ZBTB40: variants seen among roughly 807,000 people sequenced by gnomAD.
ZBTB40 encodes zinc finger and BTB domain containing 40.
In ZBTB40, 60 loss-of-function variants were observed where a neutral mutation model predicts 117.5. That is an observed-to-expected ratio of 0.51 (90% CI 0.41 to 0.63). The LOEUF (loss-of-function observed/expected upper bound fraction) is 0.63, where lower values mean the gene tolerates loss of function less well. ZBTB40 is among the 30% of genes least tolerant of loss of function. The pLI is 0.00. For missense variants in ZBTB40, 1,287 were observed against 1,498.5 expected (o/e 0.86, Z 2.33); for synonymous variants, 525 against 577.1 (o/e 0.91, Z 1.29).
Position 22,501,523 on chromosome 1 carries a change from G to A in ZBTB40, c.863G>A (p.Gly288Glu). ...GTGAAATGTTTCGAGGGTGAAGGAG[G>A]ACATTCAGCATTCCAGAGAATCCTG... ...MIVKCFEGEGGHSAFQRILGK... is the reference protein window; with the variant it reads ...MIVKCFEGEGEHSAFQRILGK... Residue 288 changes from glycine (G) to glutamate (E), a missense_variant, in exon 4 of 18, where the codon GGA becomes GAA. Coordinates refer to ENST00000375647, the MANE Select transcript of ZBTB40 (RefSeq NM_014870.4). 6.2e-7 allele frequency: 1 copy of A among 1,614,158 alleles called. No homozygotes were observed. Among genetic ancestry groups the A allele is most frequent in the Non-Finnish European group, 8.5e-7 (1 of 1,180,016 alleles).
intron 1 of ZBTB40, among the ~76,000 whole-genome samples, chr1:22,474,557 T>C (rs926980309): frequency 6.6e-6 from 1 of 152,228 alleles, no homozygotes; most frequent in African/African-American, 2.4e-5. Context: ...TTTTAAGTCA[T>C]CTTTTTGTGT....
chr1:22,435,978 G>A (rs1413253490), intron 1 of ZBTB40, among the ~76,000 whole-genome samples: 2 of 151,914 alleles, frequency 1.3e-5, no homozygotes, highest in East Asian at 3.9e-4. Flanking sequence ...TTGGGAGGCT[G>A]AGGCAGGAGA....
At position 22,521,208 on chromosome 1, in the gene ZBTB40, C is replaced by T. The variant is rs143559550; in HGVS notation, c.3049-288C>T. ...CCCCTCGGTGTCTCCGCTTCCAGCT[C>T]GCTAGGAAGACTCTAACACCTCCCT... On this transcript the variant is annotated intron_variant, in intron 14 of 17. Transcript: ENST00000375647. Among the ~76,000 whole-genome samples, 144 of 152,274 alleles carry T rather than the reference C, an allele frequency of 9.5e-4. 3 individuals are homozygous for T. In the East Asian group the frequency reaches 0.024, roughly 25 times the overall value.
In ZBTB40 at chr1:22,526,209, A is replaced by G; in HGVS notation, c.3533A>G (p.Gln1178Arg). 1 of 1,614,198 alleles carries G rather than the reference A, an allele frequency of 6.2e-7. No individual in the cohort carries two copies. The highest frequency in any genetic ancestry group is 1.6e-4 in the Middle Eastern group (1 of 6,062). ...ACGGTCTTTCTCTTTCAGGTGATCCAAACCCCAGAGCCGGTGGCCCCGACA... is the reference window on the plus strand; with the variant it reads ...ACGGTCTTTCTCTTTCAGGTGATCCGAACCCCAGAGCCGGTGGCCCCGACA... ...AAASQMAQVI[Q>R]TPEPVAPTEQ... Residue 1178 changes from glutamine (Q) to arginine (R), a missense_variant, in exon 18 of 18, where the codon CAA (glutamine) becomes CGA (arginine). Transcript: ENST00000375647.
At chr1:22,522,563 C>A in intron 16 of ZBTB40, 100 bp downstream of exon 16, 3 of 1,135,436 alleles carry the variant, frequency 2.6e-6, no homozygotes. Context: ...GCTTAACAAA[C>A]CTGTGCCTCG....
chr1:22,504,807 A>G (rs2124448611), intron 5 of ZBTB40, among the ~76,000 whole-genome samples: 1 of 152,318 alleles, frequency 6.6e-6, no homozygotes, highest in Admixed American at 6.5e-5. Context: ...TGCAATTTGA[A>G]CTAGGTCTGT....
chr1:22,446,016 T>C (rs1433047526), intron 1 of ZBTB40, among the ~76,000 whole-genome samples: 1 of 152,028 alleles, frequency 6.6e-6, no homozygotes, highest in Non-Finnish European at 1.5e-5. Flanking sequence ...AGAACTCTAA[T>C]AGATAAAGGA....
chr1:22,450,886 T>C (rs1051848639), upstream of ZBTB40, among the ~76,000 whole-genome samples: 2 of 152,090 alleles, frequency 1.3e-5, no homozygotes, highest in Non-Finnish European at 2.9e-5. Flanking sequence ...CTAAGATGGC[T>C]GGATTTGGGC....
intron 2 of ZBTB40, 122 bp from the exon 3 acceptor site, chr1:22,491,278 T>C (rs1385394059): frequency 1.8e-5 from 17 of 952,328 alleles, no homozygotes; most frequent in Non-Finnish European, 2.8e-5. Flanking sequence ...TCATAACTGA[T>C]GTGCTAGACA....
At chr1:22,471,718 C>T (rs1641409178) in intron 1 of ZBTB40, among the ~76,000 whole-genome samples, 1 of 152,186 alleles carries the variant, frequency 6.6e-6, no homozygotes, top group South Asian at 2.1e-4. Context: ...CTATTCACCC[C>T]ATCCGAAGAG....
intron 1 of ZBTB40, among the ~76,000 whole-genome samples, chr1:22,466,509 G>A (rs982716083): frequency 6.6e-6 from 1 of 152,092 alleles, no homozygotes; most frequent in Non-Finnish European, 1.5e-5. Flanking sequence ...CAGCAATTCC[G>A]TGAGGGTTCC....
At chr1:22,495,021 G>A (rs1037367479) in intron 3 of ZBTB40, among the ~76,000 whole-genome samples, 1 of 152,174 alleles carries the variant, frequency 6.6e-6, no homozygotes, top group African/African-American at 2.4e-5. Context: ...AGAGCTTTGA[G>A]TGGTATCCTG....
At chr1:22,446,240 GAA>G (rs1292634113) in intron 1 of ZBTB40, among the ~76,000 whole-genome samples, 3 of 7,026 alleles carry the variant, frequency 4.3e-4, no homozygotes, top group Non-Finnish European at 8.7e-4. Flanking sequence ...AAAAAAATGA[GAA>G]AAAAAGACAG....
Position 22,451,882 on chromosome 1 carries a change from C to T in ZBTB40, c.-192C>T, listed in dbSNP as rs1441368123. ...CATTGCGCGCCGGCCTCAAGATGGC[C>T]GCCTTCTGGCGTCTCCGGCGCTGTT... On this transcript the variant is annotated 5_prime_UTR_variant, in exon 1 of 18. Transcript: ENST00000375647. 6.6e-6 allele frequency: 1 copy of T among 152,348 alleles called. No individual in the cohort carries two copies. The highest frequency in any genetic ancestry group is 1.9e-4 in the East Asian group (1 of 5,262). 9.4% of individuals were successfully genotyped at this position (152,348 alleles called of 1,614,324 possible). A position where few individuals can be genotyped will look rare whatever the true frequency, so the allele number is the denominator to read the frequency against.
intron 3 of ZBTB40, among the ~76,000 whole-genome samples, chr1:22,494,107 G>T (rs1638709137): frequency 6.6e-6 from 1 of 152,130 alleles, no homozygotes; most frequent in African/African-American, 2.4e-5. Context: ...AACTGCTATT[G>T]TTTGTTTTTA....
intron 9 of ZBTB40, among the ~76,000 whole-genome samples, chr1:22,510,725 A>G (rs993414521): frequency 2.0e-5 from 3 of 152,258 alleles, no homozygotes; most frequent in Non-Finnish European, 4.4e-5. Flanking sequence ...GTATCTAAAA[A>G]TATGAAGCCA....
chr1:22,487,214 C>T (rs1212688462), intron 1 of ZBTB40, among the ~76,000 whole-genome samples: 1 of 152,090 alleles, frequency 6.6e-6, no homozygotes, highest in African/African-American at 2.4e-5. Flanking sequence ...CCTGACATAC[C>T]AGAATGGAAA....
intron 1 of ZBTB40, among the ~76,000 whole-genome samples, chr1:22,481,344 A>G (rs904756516): frequency 1.3e-5 from 2 of 152,198 alleles, no homozygotes; most frequent in South Asian, 2.1e-4. Context: ...TTATGTAGCC[A>G]TTGACCACCC....
At chr1:22,450,967 C>T (rs1218453864), upstream of ZBTB40, among the ~76,000 whole-genome samples, 1 of 152,122 alleles carries the variant, frequency 6.6e-6, no homozygotes, top group Non-Finnish European at 1.5e-5. Context: ...TGGGCCAGCG[C>T]GGAGGTGACT....
Sources: allele counts gnomAD v4.1 joint callset (sites outside exome capture counted in the v4.1 genomes callset), GRCh38; gene constraint gnomAD v4.1.1; transcripts MANE v1.5; gene names NCBI Gene and HGNC (gene_info 2026-07-23, HGNC 2026-07-21).